The following OR3A2 variants were observed in gnomAD, a reference collection of about 807,000 sequenced individuals.
The protein encoded by OR3A2 is olfactory receptor family 3 subfamily A member 2.
For missense variants in OR3A2, 318 were observed against 392.8 expected, an observed-to-expected ratio of 0.81 and a Z score of 1.61; for synonymous variants, 126 against 159.3, an observed-to-expected ratio of 0.79 and a Z score of 1.57.
At position 3,294,214 on chromosome 17, in the gene OR3A2, A is replaced by C. The variant is rs541785702; in HGVS notation, c.-84-15061T>G. On this transcript the variant is annotated intron_variant, in intron 3 of 4. Transcript: ENST00000573491. ...ACTTAAGGAGGCATTTTCTGGTATA[A>C]AATAAGAAAACAGAGTAAAAATATA... 5.9e-5 allele frequency among the ~76,000 whole-genome samples: 9 copies of C among 152,218 alleles called. No individual in the cohort carries two copies. The South Asian group carries it at 1.2e-3, about 21-fold the overall frequency.
intron 2 of OR3A2, among the ~76,000 whole-genome samples, chr17:3,371,686 G>T (rs1369533667): frequency 1.4e-5 from 2 of 140,328 alleles, no homozygotes; most frequent in Non-Finnish European, 3.1e-5. Flanking sequence ...GCGGCTGGCC[G>T]GGCGGGGGTG....
At chr17:3,346,643 A>G (rs1005967548) in intron 2 of OR3A2, among the ~76,000 whole-genome samples, 8 of 150,552 alleles carry the variant, frequency 5.3e-5, no homozygotes, top group Non-Finnish European at 8.9e-5. Context: ...CACTCTTTCC[A>G]TGGTTTTTTT....
chr17:3,340,330 T>A (rs143390570), intron 2 of OR3A2, among the ~76,000 whole-genome samples: 2,369 of 152,290 alleles, frequency 0.016, 67 homozygotes, highest in African/African-American at 0.053. Flanking sequence ...TGTTTGCTCT[T>A]GCTTCTCTAG....
intron 2 of OR3A2, among the ~76,000 whole-genome samples, chr17:3,345,751 C>A (rs967889435): frequency 1.4e-4 from 21 of 152,022 alleles, no homozygotes; most frequent in Admixed American, 1.0e-3. Context: ...AATAAAAATT[C>A]TCTAGAAAAA....
intron 2 of OR3A2, among the ~76,000 whole-genome samples, chr17:3,381,985 C>T (rs2049740436): frequency 6.6e-6 from 1 of 152,164 alleles, no homozygotes; most frequent in Non-Finnish European, 1.5e-5. Flanking sequence ...GAAATCCTCA[C>T]TTTATACCAG....
chr17:3,279,754 C>T (rs1253484781), intron 1 of OR3A2, among the ~76,000 whole-genome samples: 2 of 152,166 alleles, frequency 1.3e-5, no homozygotes, highest in Non-Finnish European at 2.9e-5. Flanking sequence ...CACCATTGTA[C>T]TCCAGCCTGG....
At chr17:3,385,738 T>A (rs1284375112) in intron 1 of OR3A2, among the ~76,000 whole-genome samples, 1 of 152,182 alleles carries the variant, frequency 6.6e-6, no homozygotes, top group East Asian at 1.9e-4. Flanking sequence ...TTCCGTTTCT[T>A]CATAAAATTA....
At chr17:3,332,581 C>T (rs567846014) in intron 3 of OR3A2, among the ~76,000 whole-genome samples, 1 of 152,358 alleles carries the variant, frequency 6.6e-6, no homozygotes, top group South Asian at 2.1e-4. Context: ...TGCACACCCA[C>T]TGACCTGCGC....
In OR3A2 at chr17:3,331,981, A is replaced by G. The variant is rs982376870; in HGVS notation, c.-85+4052T>C. Among the ~76,000 whole-genome samples, 756 of 150,114 alleles carry G rather than the reference A, an allele frequency of 5.0e-3. 4 individuals are homozygous for G. Among genetic ancestry groups the G allele is most frequent in the African/African-American group, 0.018 (720 of 40,600 alleles). Reference sequence around the variant, plus strand: ...CTGTTGGAATACCCTGCCGTGTGAGATGTCAGTGTGCCCCTGCTGGGGGGT... The same window carrying G: ...CTGTTGGAATACCCTGCCGTGTGAGGTGTCAGTGTGCCCCTGCTGGGGGGT... On this transcript the variant is annotated intron_variant, in intron 3 of 4. Transcript: ENST00000573491.
chr17:3,294,882 G>A (rs1479915557), intron 3 of OR3A2, among the ~76,000 whole-genome samples: 2 of 152,060 alleles, frequency 1.3e-5, no homozygotes, highest in Admixed American at 1.3e-4. Flanking sequence ...AGTTAAGTTG[G>A]CAATCTGAGA....
intron 1 of OR3A2, among the ~76,000 whole-genome samples, chr17:3,384,795 T>G (rs939439961): frequency 8.5e-5 from 13 of 152,178 alleles, no homozygotes; most frequent in African/African-American, 2.9e-4. Flanking sequence ...TTACTTTTTG[T>G]TGATGGCTGC....
At chr17:3,337,444 GC>G (rs1057340846) in intron 2 of OR3A2, among the ~76,000 whole-genome samples, 35 of 152,100 alleles carry the variant, frequency 2.3e-4, no homozygotes, top group African/African-American at 8.2e-4. Context: ...CCCACGAGAG[GC>G]CCCGGTGTGT....
intron 2 of OR3A2, among the ~76,000 whole-genome samples, chr17:3,381,335 A>T (rs8076571): frequency 0.022 from 2,470 of 111,302 alleles, 45 homozygotes; most frequent in African/African-American, 0.08. Context: ...TTTTTTTTTT[A>T]AATTCTAGAT....
At chr17:3,379,206 G>A (rs1040357493) in intron 2 of OR3A2, among the ~76,000 whole-genome samples, 2 of 152,210 alleles carry the variant, frequency 1.3e-5, no homozygotes, top group African/African-American at 4.8e-5. Context: ...GGCCCAGGTA[G>A]AGAAAGGAAA....
rs192313093 is a variant in OR3A2, at chr17:3,354,047, A to G, written c.-178-17921T>C. The stretch of plus-strand genomic sequence containing the variant: ...TAAATCTCACTTAGTTATGATGAGT[A>G]ATTTTTTTAAATGTATTGTTAAATT... On this transcript the variant is annotated intron_variant, in intron 2 of 4. Coordinates refer to the OR3A2 transcript ENST00000573491. Among the ~76,000 whole-genome samples the G allele has an allele frequency of 2.2e-3, 340 of 151,852 alleles. 6 individuals carry two copies. Among genetic ancestry groups the G allele is most frequent in the South Asian group, 9.6e-3 (46 of 4,810 alleles).
At chr17:3,355,011 C>T (rs1257479957) in intron 2 of OR3A2, among the ~76,000 whole-genome samples, 1 of 151,288 alleles carries the variant, frequency 6.6e-6, no homozygotes, top group Non-Finnish European at 1.5e-5. Flanking sequence ...TTGTTATTGG[C>T]CCACTGGTCA....
intron 2 of OR3A2, among the ~76,000 whole-genome samples, chr17:3,373,263 T>C (rs1487545826): frequency 6.6e-6 from 1 of 152,214 alleles, no homozygotes; most frequent in Non-Finnish European, 1.5e-5. Context: ...AAAGAATGTA[T>C]ATTCTGCAGT....
At chr17:3,381,654 A>G (rs908674090) in intron 2 of OR3A2, among the ~76,000 whole-genome samples, 7 of 147,412 alleles carry the variant, frequency 4.7e-5, no homozygotes, top group Non-Finnish European at 8.8e-5. Flanking sequence ...ACTTTTGGAG[A>G]AAAAAAAATG....
intron 2 of OR3A2, among the ~76,000 whole-genome samples, chr17:3,355,457 TC>T (rs1294203747): frequency 9.1e-6 from 1 of 109,792 alleles, no homozygotes; most frequent in African/African-American, 4.8e-5. Flanking sequence ...TCTCTCTCTC[TC>T]TCTTTAGCTC....
Sources: allele counts gnomAD v4.1 joint callset (sites outside exome capture counted in the v4.1 genomes callset), GRCh38; gene constraint gnomAD v4.1.1; transcripts MANE v1.5; gene names NCBI Gene and HGNC (gene_info 2026-07-23, HGNC 2026-07-21).